Variants in PTPN4 observed in about 807,000 individuals in gnomAD.
PTPN4 encodes the protein tyrosine-protein phosphatase non-receptor type 4.
PTPN4 carries 49 observed loss-of-function variants against 135.5 expected under a neutral mutation model. The ratio of observed to expected loss-of-function variants is 0.36; its 90% confidence interval spans 0.29 to 0.46. The LOEUF is 0.46. PTPN4 is among the 20% of genes least tolerant of loss of function. PTPN4 has a pLI of 1.00. For synonymous variants in PTPN4, 333 were observed against 369.9 expected (o/e 0.90, Z 1.14); for missense variants, 860 against 1,101.0 (o/e 0.78, Z 3.10).
At chr2:119,976,131 G>A (rs887301461) in intron 26 of PTPN4, among the ~76,000 whole-genome samples, 2 of 151,566 alleles carry the variant, frequency 1.3e-5, no homozygotes, top group Non-Finnish European at 2.9e-5. Flanking sequence ...GAGTAGCTGG[G>A]ACTACAGGCA....
chr2:119,826,062 G>A (rs1380572632), intron 2 of PTPN4, among the ~76,000 whole-genome samples: 1 of 152,186 alleles, frequency 6.6e-6, no homozygotes, highest in Non-Finnish European at 1.5e-5. Flanking sequence ...TTATAGGTCT[G>A]TGTTGGGACC....
At chr2:119,838,590 C>G (rs543442922) in intron 2 of PTPN4, among the ~76,000 whole-genome samples, 1 of 152,260 alleles carries the variant, frequency 6.6e-6, no homozygotes, top group South Asian at 2.1e-4. Flanking sequence ...ACTTAAAATT[C>G]TAGTGATAAA....
At chr2:119,889,519 T>C (rs1678210398) in intron 9 of PTPN4, among the ~76,000 whole-genome samples, 1 of 152,244 alleles carries the variant, frequency 6.6e-6, no homozygotes. Flanking sequence ...GTGTTCTGTC[T>C]TCTTGGTTAG....
chr2:119,915,089 A>G, intron 10 of PTPN4, 90 bp from the exon 11 acceptor site: 1 of 1,103,256 alleles, frequency 9.1e-7, no homozygotes, highest in South Asian at 1.8e-5. Flanking sequence ...TTTAGATATT[A>G]CTAAATATAC....
At chr2:119,854,291 C>A (rs1279960835) in intron 2 of PTPN4, among the ~76,000 whole-genome samples, 1 of 152,156 alleles carries the variant, frequency 6.6e-6, no homozygotes, top group African/African-American at 2.4e-5. Flanking sequence ...TAATCACCAG[C>A]ATTTGCATAT....
chr2:119,782,999 C>CTTT (rs5833802), intron 1 of PTPN4, among the ~76,000 whole-genome samples: 8 of 146,356 alleles, frequency 5.5e-5, no homozygotes, highest in East Asian at 2.0e-4. Flanking sequence ...GCTGAAATCC[C>CTTT]TTTTTTTTTT....
At chr2:119,953,682 TA>T (rs933319338) in intron 19 of PTPN4, among the ~76,000 whole-genome samples, 5 of 152,204 alleles carry the variant, frequency 3.3e-5, no homozygotes, top group Non-Finnish European at 7.3e-5. Flanking sequence ...TAATAGTTAT[TA>T]AAAACTTTCT....
intron 10 of PTPN4, among the ~76,000 whole-genome samples, chr2:119,903,001 C>T (rs1284913739): frequency 6.6e-6 from 1 of 152,174 alleles, no homozygotes; most frequent in African/African-American, 2.4e-5. Flanking sequence ...CTGCATTTCC[C>T]CACTGACAAC....
chr2:119,789,838 T>G (rs1053818241), intron 1 of PTPN4, among the ~76,000 whole-genome samples: 7 of 152,172 alleles, frequency 4.6e-5, no homozygotes. Flanking sequence ...TTCTCCTGCC[T>G]CAGCCTCCTG....
At chr2:119,954,405 C>T (rs1205487471) in intron 19 of PTPN4, among the ~76,000 whole-genome samples, 1 of 152,148 alleles carries the variant, frequency 6.6e-6, no homozygotes, top group Non-Finnish European at 1.5e-5. Flanking sequence ...GTCCAGATAA[C>T]CCTGAGCCTC....
chr2:119,768,479 A>T (rs2104918833), intron 1 of PTPN4, among the ~76,000 whole-genome samples: 1 of 152,332 alleles, frequency 6.6e-6, no homozygotes, highest in South Asian at 2.1e-4. Flanking sequence ...GTATACACAC[A>T]TCTGAATCTG....
chr2:119,883,067 TC>T (rs1678103930), intron 8 of PTPN4, among the ~76,000 whole-genome samples: 1 of 152,126 alleles, frequency 6.6e-6, no homozygotes, highest in Non-Finnish European at 1.5e-5. Context: ...AGGTTGAACA[TC>T]CTTAACCCAA....
At chr2:119,926,023 G>GA (rs1436906019) in intron 12 of PTPN4, among the ~76,000 whole-genome samples, 2 of 152,108 alleles carry the variant, frequency 1.3e-5, no homozygotes, top group Non-Finnish European at 2.9e-5. Context: ...TTTATCCATG[G>GA]AAAATGGTCT....
rs74804782 is a variant in PTPN4 at position 119,812,365 on chromosome 2, C to G, written c.138+2374C>G. 7.3e-3 allele frequency among the ~76,000 whole-genome samples: 1,116 copies of G among 152,264 alleles called. 13 individuals are homozygous for G. Among genetic ancestry groups the G allele is most frequent in the African/African-American group, 0.025 (1,053 of 41,538 alleles). ...CCAAGAAGGAGAACTACTCAGTTTC[C>G]TTTGGAGACTACCAGGCATTGGAGT... is the stretch of plus-strand genomic sequence containing the variant. On this transcript the variant is annotated intron_variant, in intron 2 of 26. Coordinates refer to ENST00000263708, the MANE Select transcript of PTPN4 (RefSeq NM_002830.4).
At chr2:119,803,606 G>A (rs13396387) in intron 1 of PTPN4, among the ~76,000 whole-genome samples, 155 of 152,230 alleles carry the variant, frequency 1.0e-3, no homozygotes, top group African/African-American at 3.7e-3. Context: ...GAAATGTTCA[G>A]TGGATGTTTA....
chr2:119,766,470 G>C (rs977792646), intron 1 of PTPN4, among the ~76,000 whole-genome samples: 3 of 138,538 alleles, frequency 2.2e-5, no homozygotes, highest in Non-Finnish European at 4.6e-5. Context: ...GTGTGTGTGT[G>C]TGTGTGTGTG....
intron 10 of PTPN4, among the ~76,000 whole-genome samples, chr2:119,908,707 G>A (rs955722393): frequency 5.3e-5 from 8 of 152,190 alleles, no homozygotes; most frequent in South Asian, 4.2e-4. Context: ...TGTCACTTTC[G>A]ATCAAAAATT....
intron 9 of PTPN4, among the ~76,000 whole-genome samples, chr2:119,891,019 C>T (rs979469433): frequency 1.3e-5 from 2 of 152,124 alleles, no homozygotes; most frequent in Non-Finnish European, 2.9e-5. Context: ...AGGATTTGTT[C>T]CTGAAGTTTC....
rs1443624054 is a variant in PTPN4 at position 119,977,032 on chromosome 2, G to A, written c.2743G>A (p.Gly915Ser). ...AGCTATTTTGAAAGTTTATGAAGAA[G>A]GCTTTGTTAAACCCTTAACAACATC... is the stretch of plus-strand genomic sequence containing the variant. ...CEAILKVYEE[G>S]FVKPLTTSTN... Residue 915 changes from glycine (G) to serine (S), a missense_variant, in exon 27 of 27, where the codon GGC (glycine) becomes AGC (serine). Physicochemically the swap from Gly to Ser is moderately conservative, Grantham distance 56 (BLOSUM62 0). Around this residue, in one of 2 missense-constraint regions of PTPN4, gnomAD observed 176 missense variants for 294.1 expected, o/e 0.60. Transcript: ENST00000263708. The A allele has an allele frequency of 6.2e-7, 1 of 1,606,788 alleles. No individual in the cohort carries two copies. Among genetic ancestry groups the A allele is most frequent in the East Asian group, 2.2e-5 (1 of 44,666 alleles).
Sources: allele counts gnomAD v4.1 joint callset (sites outside exome capture counted in the v4.1 genomes callset), GRCh38; gene constraint gnomAD v4.1.1; regional missense constraint gnomAD v4.1.1; transcripts MANE v1.5; gene names NCBI Gene and HGNC (gene_info 2026-07-23, HGNC 2026-07-21).